SORCS2: variants seen among roughly 807,000 people sequenced by gnomAD.
SORCS2 encodes the protein sortilin related VPS10 domain containing receptor 2, also known as VPS10 domain-containing receptor SorCS2.
Under a neutral mutation model 141.6 loss-of-function variants are expected in SORCS2, and 100 were observed. The observed-to-expected ratio is 0.71, with a 90% CI of 0.60 to 0.83. The LOEUF (loss-of-function observed/expected upper bound fraction) is 0.83. Among genes scored for constraint, SORCS2 ranks in the 40% least tolerant of loss-of-function variants. The pLI, the probability that SORCS2 is intolerant of heterozygous loss-of-function variation, is 0.00. For missense variants in SORCS2, 1,646 were observed against 1,560.2 expected, an observed-to-expected ratio of 1.05 and a Z score of -0.93; for synonymous variants, 789 against 676.9, an observed-to-expected ratio of 1.17 and a Z score of -2.57.
At chr4:7,410,345 A>G (rs552343210) in intron 2 of SORCS2, among the ~76,000 whole-genome samples, 3 of 152,354 alleles carry the variant, frequency 2.0e-5, no homozygotes, top group South Asian at 2.1e-4. Flanking sequence ...AAACAGTCTT[A>G]CACTGTAAGG....
At chr4:7,290,204 G>A (rs1385173442) in intron 1 of SORCS2, among the ~76,000 whole-genome samples, 2 of 152,158 alleles carry the variant, frequency 1.3e-5, no homozygotes, top group Admixed American at 6.5e-5. Context: ...AGGACAACCC[G>A]TGGCAGCTCT....
At chr4:7,647,817 C>G (rs1298415376) in intron 4 of SORCS2, among the ~76,000 whole-genome samples, 1 of 152,256 alleles carries the variant, frequency 6.6e-6, no homozygotes, top group Non-Finnish European at 1.5e-5. Flanking sequence ...TTCTTCTGAT[C>G]TGCTCATCCT....
chr4:7,269,573 C>T (rs561394179), intron 1 of SORCS2, among the ~76,000 whole-genome samples: 4 of 152,300 alleles, frequency 2.6e-5, no homozygotes, highest in East Asian at 1.9e-4. Flanking sequence ...TTGAGACATT[C>T]GTCACACGAA....
At chr4:7,550,060 A>T (rs1035981870) in intron 3 of SORCS2, among the ~76,000 whole-genome samples, 8 of 151,096 alleles carry the variant, frequency 5.3e-5, no homozygotes, top group African/African-American at 1.7e-4. Flanking sequence ...GGCAACTGGA[A>T]ATAGCAGCTC....
rs567388404 is a variant in SORCS2 at position 7,557,625 on chromosome 4, C to G, written c.648+25996C>G. Among the ~76,000 whole-genome samples, 5 of 152,208 alleles carry G rather than the reference C, an allele frequency of 3.3e-5. No homozygotes were observed. The Middle Eastern group carries it at 0.014, about 414-fold the overall frequency. The stretch of plus-strand genomic sequence containing the variant: ...ACTGATTCATCCAATGAGTTTTTAC[C>G]CAGGGCTTTTCCATCTCCAGTGCCT... On this transcript the variant is annotated intron_variant, in intron 3 of 26. Coordinates refer to ENST00000507866, the MANE Select transcript of SORCS2 (RefSeq NM_020777.3).
chr4:7,608,763 C>A (rs570418391), intron 3 of SORCS2, among the ~76,000 whole-genome samples: 1 of 151,562 alleles, frequency 6.6e-6, no homozygotes, highest in African/African-American at 2.4e-5. Flanking sequence ...GACATCACAT[C>A]AACTTGGCTT....
At chr4:7,702,273 G>A (rs1040928796) in intron 12 of SORCS2, among the ~76,000 whole-genome samples, 5 of 152,210 alleles carry the variant, frequency 3.3e-5, no homozygotes, top group Admixed American at 2.0e-4. Flanking sequence ...CTTTCGAGGA[G>A]GGGCGGTATG....
rs532345237 is a variant in SORCS2 at position 7,418,796 on chromosome 4, T to C, written c.548+22441T>C. On this transcript the variant is annotated intron_variant, in intron 2 of 26. Transcript: ENST00000507866. ...GCAATGTGGGCTGGGCTCAGCTGGCTGGATCTTTGGTTATTGACTGGGCTC... is the reference window on the plus strand; with the variant it reads ...GCAATGTGGGCTGGGCTCAGCTGGCCGGATCTTTGGTTATTGACTGGGCTC... 5.3e-5 allele frequency among the ~76,000 whole-genome samples: 8 copies of C among 150,182 alleles called. No individual in the cohort carries two copies. The South Asian group carries it at 8.7e-4, about 16-fold the overall frequency.
intron 2 of SORCS2, among the ~76,000 whole-genome samples, chr4:7,468,329 C>T (rs530003432): frequency 6.6e-4 from 101 of 152,330 alleles, no homozygotes; most frequent in African/African-American, 2.3e-3. Context: ...CCCGAAGCCT[C>T]GTATGCATGG....
rs1168678841 is a variant in SORCS2, at chr4:7,601,616, C to CAAAAAAA, written c.649-36694_649-36688dup. On this transcript the variant is annotated intron_variant, in intron 3 of 26. Transcript: ENST00000507866. ...CCTGGGCGACAAAGCAAGACTCTCT[C>CAAAAAAA]AAAAAAAAAAAAAAAAAAAAAAAAG... Among the ~76,000 whole-genome samples the CAAAAAAA allele has an allele frequency of 2.0e-3, 89 of 45,636 alleles. 2 individuals are homozygous for CAAAAAAA. Among genetic ancestry groups the CAAAAAAA allele is most frequent in the African/African-American group, 3.2e-3 (42 of 13,022 alleles). 29.9% of individuals were successfully genotyped at this position (45,636 alleles called of 152,430 possible). A position where few individuals can be genotyped will look rare whatever the true frequency, so the allele number is the denominator to read the frequency against.
chr4:7,511,865 G>A (rs1312235390), intron 2 of SORCS2, among the ~76,000 whole-genome samples: 3 of 152,144 alleles, frequency 2.0e-5, no homozygotes, highest in African/African-American at 4.8e-5. Context: ...GTCTTCAGGG[G>A]GGAAATGTCC....
intron 1 of SORCS2, among the ~76,000 whole-genome samples, chr4:7,394,993 C>T (rs1236629628): frequency 6.6e-6 from 1 of 152,228 alleles, no homozygotes; most frequent in East Asian, 1.9e-4. Context: ...AGTCCACACC[C>T]TGTCAGCTCC....
intron 1 of SORCS2, among the ~76,000 whole-genome samples, chr4:7,359,976 G>C (rs756315114): frequency 2.0e-5 from 3 of 152,208 alleles, no homozygotes; most frequent in Non-Finnish European, 4.4e-5. Flanking sequence ...CAGCAGAGTA[G>C]TAGAGGTCAC....
At chr4:7,247,511 A>T (rs1420746178) in intron 1 of SORCS2, among the ~76,000 whole-genome samples, 1 of 152,270 alleles carries the variant, frequency 6.6e-6, no homozygotes, top group East Asian at 1.9e-4. Context: ...CATAAACGGC[A>T]TCGTAAAACA....
intron 6 of SORCS2, 109 bp downstream of exon 6, chr4:7,661,673 A>AG (rs1318099303): frequency 1.0e-6 from 1 of 1,002,110 alleles, no homozygotes; most frequent in East Asian, 2.7e-5. Flanking sequence ...GGCCCTACAC[A>AG]GCCGGCCTCA....
intron 1 of SORCS2, among the ~76,000 whole-genome samples, chr4:7,300,078 C>T (rs887635832): frequency 1.3e-5 from 2 of 152,148 alleles, no homozygotes; most frequent in Admixed American, 6.5e-5. Flanking sequence ...GATGGCGCGC[C>T]CTCCGCCTGC....
At chr4:7,499,873 G>A (rs950411764) in intron 2 of SORCS2, among the ~76,000 whole-genome samples, 3 of 152,140 alleles carry the variant, frequency 2.0e-5, no homozygotes, top group Admixed American at 6.5e-5. Flanking sequence ...CCCAGGCAGC[G>A]CGCAGTGGAG....
chr4:7,308,934 C>T (rs1197616693), intron 1 of SORCS2, among the ~76,000 whole-genome samples: 2 of 152,220 alleles, frequency 1.3e-5, no homozygotes, highest in African/African-American at 4.8e-5. Flanking sequence ...GCCAAGACCT[C>T]CTGCTCTCTG....
chr4:7,675,652 G>C (rs1339944455), intron 8 of SORCS2, among the ~76,000 whole-genome samples: 2 of 152,178 alleles, frequency 1.3e-5, no homozygotes, highest in Non-Finnish European at 2.9e-5. Context: ...GTGGATAGGA[G>C]GAGAGGGAGG....
Sources: gnomAD v4.1 joint callset for allele counts (sites outside exome capture counted in the v4.1 genomes callset) on GRCh38, gnomAD v4.1.1 for gene constraint, MANE v1.5 for transcripts, NCBI Gene and HGNC (gene_info 2026-07-23, HGNC 2026-07-21) for gene names.